The following PPM1H variants were observed in gnomAD, a reference collection of about 807,000 sequenced individuals.
The protein encoded by PPM1H is protein phosphatase, Mg2+/Mn2+ dependent 1H, also known as protein phosphatase 1H.
PPM1H carries 27 observed loss-of-function variants against 54.9 expected under a neutral mutation model. That is an observed-to-expected ratio of 0.49 (90% CI 0.36 to 0.68). The LOEUF is 0.68. PPM1H is among the 30% of genes least tolerant of loss of function. The pLI, the probability that PPM1H is intolerant of heterozygous loss-of-function variation, is 0.00. For synonymous variants in PPM1H, 305 were observed against 270.8 expected (o/e 1.13, Z -1.24); for missense variants, 596 against 667.8 (o/e 0.89, Z 1.19).
At chr12:62,834,033 G>A (rs991993444) in intron 1 of PPM1H, among the ~76,000 whole-genome samples, 8 of 152,006 alleles carry the variant, frequency 5.3e-5, no homozygotes, top group African/African-American at 1.2e-4. Context: ...TGGTCCTATC[G>A]GGTTTACTAC....
rs1211906375 is a variant in PPM1H at position 62,832,392 on chromosome 12, G to C, written c.246-113C>G. ...ACAACTGGCCCAGAACTACAGCCCT[G>C]CTTAATGCTAAGAACATTATGGTCT... is the stretch of plus-strand genomic sequence containing the variant. On this transcript the variant is annotated intron_variant, in intron 1 of 9. Transcript: ENST00000228705. 3.1e-6 allele frequency: 3 copies of C among 959,990 alleles called. No individual in the cohort carries two copies. The East Asian group carries it at 8.0e-5, about 25-fold the overall frequency. The allele number at this position is 959,990 out of a possible 1,614,324, so 59.5% of individuals were successfully genotyped here.
At chr12:62,786,980 A>G (rs2076675738) in intron 4 of PPM1H, among the ~76,000 whole-genome samples, 1 of 152,210 alleles carries the variant, frequency 6.6e-6, no homozygotes, top group South Asian at 2.1e-4. Context: ...TTTGAAAGCA[A>G]CAGACCTTCA....
At chr12:62,741,522 T>C (rs2076380793) in intron 4 of PPM1H, among the ~76,000 whole-genome samples, 1 of 152,224 alleles carries the variant, frequency 6.6e-6, no homozygotes, top group African/African-American at 2.4e-5. Flanking sequence ...TTAGCCTCAC[T>C]CTTGCTACTC....
intron 9 of PPM1H, among the ~76,000 whole-genome samples, chr12:62,666,830 C>A (rs1476583985): frequency 1.3e-5 from 2 of 152,176 alleles, no homozygotes; most frequent in Non-Finnish European, 2.9e-5. Flanking sequence ...TCTCCTGCCT[C>A]TGCCTCCCGA....
At chr12:62,801,696 C>T in intron 3 of PPM1H, 120 bp downstream of exon 3, 1 of 1,071,368 alleles carries the variant, frequency 9.3e-7, no homozygotes, top group Non-Finnish European at 1.3e-6. Context: ...CACAGGGGGC[C>T]GTCCAGGTGG....
chr12:62,802,595 A>C (rs2076777903), intron 2 of PPM1H, among the ~76,000 whole-genome samples: 1 of 145,914 alleles, frequency 6.9e-6, no homozygotes, highest in Non-Finnish European at 1.5e-5. Context: ...ACAGAGTCTC[A>C]CTCTGTGGCC....
At chr12:62,789,168 C>T (rs1436239542) in intron 3 of PPM1H, among the ~76,000 whole-genome samples, 4 of 152,142 alleles carry the variant, frequency 2.6e-5, no homozygotes, top group African/African-American at 9.7e-5. Context: ...TGTGCAGCCA[C>T]CACACCCAGC....
intron 1 of PPM1H, among the ~76,000 whole-genome samples, chr12:62,860,704 C>T (rs1305326714): frequency 6.6e-6 from 1 of 152,194 alleles, no homozygotes; most frequent in East Asian, 1.9e-4. Flanking sequence ...CCTTGGTGCT[C>T]CTCCTTCCAA....
chr12:62,659,268 GCAAAA>G, intron 9 of PPM1H: 2 of 14,062 alleles, frequency 1.4e-4, no homozygotes, highest in South Asian at 1.6e-3. Flanking sequence ...CGTAAAAACT[GCAAAA>G]AAAAAAAAAA....
At chr12:62,764,822 G>A (rs1391096741) in intron 4 of PPM1H, among the ~76,000 whole-genome samples, 1 of 152,216 alleles carries the variant, frequency 6.6e-6, no homozygotes, top group Non-Finnish European at 1.5e-5. Context: ...GACTGGCACG[G>A]GGGGCCATGG....
chr12:62,748,529 AACACACACACACAC>A lies in PPM1H; in HGVS notation c.870-10957_870-10944del, dbSNP rs3052402. 5.4e-5 allele frequency among the ~76,000 whole-genome samples: 8 copies of A among 147,398 alleles called. No homozygotes were observed. In the South Asian group the frequency reaches 6.6e-4, roughly 12 times the overall value. Reference sequence around the variant, plus strand: ...TGTAGTTAAATGTGTTTCAGTGTAGAACACACACACACACACACACACACACACACACACACACG... The same window carrying A: ...TGTAGTTAAATGTGTTTCAGTGTAGAACACACACACACACACACACACACG... On this transcript the variant is annotated intron_variant, in intron 4 of 9. Coordinates refer to ENST00000228705, the MANE Select transcript of PPM1H (RefSeq NM_020700.2).
intron 4 of PPM1H, among the ~76,000 whole-genome samples, chr12:62,753,576 C>T (rs955813953): frequency 6.6e-6 from 1 of 152,224 alleles, no homozygotes; most frequent in Non-Finnish European, 1.5e-5. Flanking sequence ...ACTCTTGCAT[C>T]CTCACCCCCT....
intron 8 of PPM1H, among the ~76,000 whole-genome samples, chr12:62,672,847 T>A (rs1299864783): frequency 1.3e-5 from 2 of 152,232 alleles, no homozygotes; most frequent in Admixed American, 1.3e-4. Flanking sequence ...GTATTTCCTC[T>A]GTGGGTCTAG....
chr12:62,721,988 A>G (rs907830585), intron 5 of PPM1H, among the ~76,000 whole-genome samples: 6 of 152,138 alleles, frequency 3.9e-5, no homozygotes, highest in Admixed American at 3.9e-4. Flanking sequence ...TGAAAAACAG[A>G]AACAGGGAGC....
At chr12:62,663,068 G>A (rs1020810965) in intron 9 of PPM1H, among the ~76,000 whole-genome samples, 1 of 152,072 alleles carries the variant, frequency 6.6e-6, no homozygotes, top group Non-Finnish European at 1.5e-5. Flanking sequence ...GCTCATTTTG[G>A]GGGTGGGGGA....
intron 8 of PPM1H, among the ~76,000 whole-genome samples, chr12:62,685,620 C>G (rs2076046841): frequency 6.6e-6 from 1 of 152,086 alleles, no homozygotes; most frequent in Non-Finnish European, 1.5e-5. Flanking sequence ...CTGTAAAAAC[C>G]TTAATTTGTT....
intron 1 of PPM1H, among the ~76,000 whole-genome samples, chr12:62,854,867 T>A (rs1448678739): frequency 6.6e-6 from 1 of 152,112 alleles, no homozygotes; most frequent in African/African-American, 2.4e-5. Flanking sequence ...TATGTTTGTT[T>A]TGGGAAAGAA....
At chr12:62,756,371 A>G in intron 4 of PPM1H, 1 of 452,184 alleles carries the variant, frequency 2.2e-6, no homozygotes, top group East Asian at 4.8e-5. Flanking sequence ...CCCCCTGAAA[A>G]GGGAGGGGCC....
chr12:62,778,329 A>G (rs2076622565), intron 4 of PPM1H, among the ~76,000 whole-genome samples: 1 of 152,122 alleles, frequency 6.6e-6, no homozygotes, highest in Admixed American at 6.5e-5. Context: ...CTTAGACTAC[A>G]TTTCCCAGCA....
Sources: gnomAD v4.1 joint callset for allele counts (sites outside exome capture counted in the v4.1 genomes callset) on GRCh38, gnomAD v4.1.1 for gene constraint, MANE v1.5 for transcripts, NCBI Gene and HGNC (gene_info 2026-07-23, HGNC 2026-07-21) for gene names.